Variants in USP37 observed in about 807,000 individuals in gnomAD.
USP37 encodes the protein ubiquitin specific peptidase 37.
USP37 carries 27 observed loss-of-function variants against 124.0 expected under a neutral mutation model. The observed-to-expected ratio is 0.22, with a 90% CI of 0.16 to 0.30. The LOEUF is 0.30. Ranked by LOEUF, USP37 falls within the 10% of genes least tolerant of loss-of-function variation. USP37 has a pLI of 1.00. For missense variants in USP37, 889 were observed against 1,140.4 expected, an observed-to-expected ratio of 0.78 and a Z score of 3.17; for synonymous variants, 365 against 388.0, an observed-to-expected ratio of 0.94 and a Z score of 0.70.
intron 10 of USP37, among the ~76,000 whole-genome samples, chr2:218,526,395 G>C (rs1176925086): frequency 6.6e-6 from 1 of 151,964 alleles, no homozygotes; most frequent in Non-Finnish European, 1.5e-5. Context: ...ACCACGCCCA[G>C]CTAATTTTTT....
chr2:218,544,406 A>ATAT (rs1553557242), intron 8 of USP37, among the ~76,000 whole-genome samples: 3 of 82,990 alleles, frequency 3.6e-5, no homozygotes, highest in Admixed American at 1.5e-4. Flanking sequence ...AAAAAAAAAA[A>ATAT]ATATATATAT....
chr2:218,490,935 C>A (rs626432), intron 14 of USP37, among the ~76,000 whole-genome samples: 101,121 of 152,046 alleles, frequency 0.67, 34,099 homozygotes, highest in East Asian at 0.9. Context: ...GAGCAGTGGC[C>A]CGACCACGGC....
Position 218,485,021 on chromosome 2 carries a change from T to C in USP37, c.1670+643A>G, listed in dbSNP as rs139256863. On this transcript the variant is annotated intron_variant, in intron 16 of 25. Coordinates refer to ENST00000258399, the MANE Select transcript of USP37 (RefSeq NM_020935.3). Reference sequence around the variant, plus strand: ...TTACTAATTTATAAGATCCTTAGAATGAAGGAACGCACAAACTGCAAAAAA... The same window carrying C: ...TTACTAATTTATAAGATCCTTAGAACGAAGGAACGCACAAACTGCAAAAAA... 2.6e-5 allele frequency among the ~76,000 whole-genome samples: 4 copies of C among 152,318 alleles called. No homozygotes were observed. In the East Asian group the frequency reaches 7.7e-4, roughly 29 times the overall value.
At chr2:218,474,554 G>A in intron 20 of USP37, 76 bp downstream of exon 20, 1 of 1,558,712 alleles carries the variant, frequency 6.4e-7, no homozygotes, top group Admixed American at 1.9e-5. Context: ...CCCGTTATTT[G>A]GAGGTTATTT....
chr2:218,456,856 G>A (rs1689725530), intron 24 of USP37, among the ~76,000 whole-genome samples: 1 of 151,990 alleles, frequency 6.6e-6, no homozygotes, highest in African/African-American at 2.4e-5. Context: ...TGTAATCCCA[G>A]CTACTTGGGA....
intron 9 of USP37, among the ~76,000 whole-genome samples, chr2:218,530,555 T>C (rs1322427136): frequency 6.6e-6 from 1 of 152,116 alleles, no homozygotes; most frequent in Non-Finnish European, 1.5e-5. Flanking sequence ...GACAATATAT[T>C]GAAATTAGGA....
intron 10 of USP37, among the ~76,000 whole-genome samples, chr2:218,525,850 C>T (rs1690927058): frequency 6.6e-6 from 1 of 152,126 alleles, no homozygotes; most frequent in African/African-American, 2.4e-5. Context: ...TCCTTCCATC[C>T]TCCAACAAGC....
rs571054401 is a variant in USP37, at chr2:218,503,749, T to C, written c.1026-5592A>G. 8.4e-4 allele frequency among the ~76,000 whole-genome samples: 127 copies of C among 151,402 alleles called. 1 individual carries two copies. The highest frequency in any genetic ancestry group is 2.6e-3 in the African/African-American group (107 of 40,996). The stretch of plus-strand genomic sequence containing the variant: ...AAAAGAAAAAGAAAAAGCAGTAAAA[T>C]GTATGATAACAGTATAAATGATGTG... On this transcript the variant is annotated intron_variant, in intron 11 of 25. Coordinates refer to ENST00000258399, the MANE Select transcript of USP37 (RefSeq NM_020935.3).
Position 218,466,034 on chromosome 2 carries a change from T to A in USP37, c.2442A>T (p.Ala814=), listed in dbSNP as rs1204287499. The A allele has an allele frequency of 6.2e-7, 1 of 1,611,856 alleles. No homozygotes were observed. The highest frequency in any genetic ancestry group is 1.1e-5 in the South Asian group (1 of 90,322). The part of the protein sequence containing the change: ...REREEQELQQ[A]LAQSLQEQEA... ...CTTGCTCTTGAAGGCTCTGAGCCAG[T>A]GCCTGCTGAAGCTCTTGCTCTTCCC... Residue 814 remains alanine, a synonymous_variant, in exon 21 of 26, where the codon GCA becomes GCT. Transcript: ENST00000258399.
At chr2:218,456,942 C>T in intron 24 of USP37, 150 bp downstream of exon 24, 2 of 749,274 alleles carry the variant, frequency 2.7e-6, no homozygotes, top group Admixed American at 6.2e-5. Flanking sequence ...TACACTCCAT[C>T]CTGGGCAACA....
intron 3 of USP37, 78 bp from the exon 4 acceptor site, chr2:218,558,755 T>C: frequency 1.8e-6 from 2 of 1,110,592 alleles, no homozygotes; most frequent in Non-Finnish European, 2.6e-6. Flanking sequence ...AACTTACTAG[T>C]AATTAATTTC....
chr2:218,551,167 T>G (rs1402659481), intron 5 of USP37, among the ~76,000 whole-genome samples: 1 of 152,206 alleles, frequency 6.6e-6, no homozygotes, highest in Non-Finnish European at 1.5e-5. Flanking sequence ...TATTAGTCTT[T>G]TGTCCACTGA....
intron 8 of USP37, among the ~76,000 whole-genome samples, chr2:218,542,685 G>C (rs952019996): frequency 2.0e-5 from 3 of 152,194 alleles, no homozygotes; most frequent in African/African-American, 7.2e-5. Context: ...CTTCATGATA[G>C]AATAGCTGGG....
chr2:218,526,962 G>C (rs1319091401), intron 10 of USP37, among the ~76,000 whole-genome samples: 3 of 151,548 alleles, frequency 2.0e-5, no homozygotes, highest in African/African-American at 7.3e-5. Context: ...CTAATTTTTT[G>C]TATTTTTAGT....
chr2:218,546,543 C>T (rs753918645), intron 7 of USP37, among the ~76,000 whole-genome samples: 3 of 152,116 alleles, frequency 2.0e-5, no homozygotes, highest in Non-Finnish European at 4.4e-5. Flanking sequence ...CTCAGCCTCC[C>T]GAGTAGCTGG....
chr2:218,488,292 G>A lies in USP37; in HGVS notation c.1590+12C>T. The A allele has an allele frequency of 6.6e-7, 1 of 1,507,074 alleles. No homozygotes were observed. The highest frequency in any genetic ancestry group is 9.0e-7 in the Non-Finnish European group (1 of 1,106,040). 93.4% of individuals were successfully genotyped at this position (1,507,074 alleles called of 1,614,324 possible). A position where few individuals can be genotyped will look rare whatever the true frequency, so the allele number is the denominator to read the frequency against. Reference sequence around the variant, plus strand: ...AATTTAGTTATGTGAAAATACAAAAGATATTATTTACCCTAAAGAAAAGAT... The same window carrying A: ...AATTTAGTTATGTGAAAATACAAAAAATATTATTTACCCTAAAGAAAAGAT... On this transcript the variant is annotated intron_variant, in intron 15 of 25. Transcript: ENST00000258399.
At chr2:218,551,274 T>C (rs995360362) in intron 5 of USP37, among the ~76,000 whole-genome samples, 5 of 152,218 alleles carry the variant, frequency 3.3e-5, no homozygotes, top group Non-Finnish European at 7.3e-5. Flanking sequence ...AATAACCACC[T>C]TTGGGCAGCT....
intron 24 of USP37, among the ~76,000 whole-genome samples, chr2:218,456,880 G>A (rs1689727637): frequency 6.6e-6 from 1 of 151,908 alleles, no homozygotes; most frequent in Admixed American, 6.6e-5. Flanking sequence ...TGAGACAGCA[G>A]AATCACTTGG....
At chr2:218,480,081 G>A (rs1453210109) in intron 17 of USP37, among the ~76,000 whole-genome samples, 3 of 151,844 alleles carry the variant, frequency 2.0e-5, no homozygotes, top group Non-Finnish European at 4.4e-5. Context: ...GGGAGGCGGA[G>A]GTTGTAGTAA....
Sources: gnomAD v4.1 joint callset for allele counts (sites outside exome capture counted in the v4.1 genomes callset) on GRCh38, gnomAD v4.1.1 for gene constraint, MANE v1.5 for transcripts, NCBI Gene and HGNC (gene_info 2026-07-23, HGNC 2026-07-21) for gene names.